TNFRSF10A: variants seen among roughly 807,000 people sequenced by gnomAD.
TNFRSF10A encodes the protein tumor necrosis factor receptor superfamily member 10A.
In TNFRSF10A, 44 loss-of-function variants were observed where a neutral mutation model predicts 42.8. That is an observed-to-expected ratio of 1.03 (90% confidence interval 0.81 to 1.32). TNFRSF10A has a LOEUF of 1.32. Ranked by LOEUF, TNFRSF10A falls within the 40% of genes most tolerant of loss-of-function variation. The pLI, the probability that TNFRSF10A is intolerant of heterozygous loss-of-function variation, is 0.00. For missense variants in TNFRSF10A, 680 were observed against 602.0 expected (o/e 1.13, Z -1.36); for synonymous variants, 259 against 234.2 (o/e 1.11, Z -0.97).
At chr8:23,199,190 C>G in intron 8 of TNFRSF10A, 76 bp downstream of exon 8, 1 of 1,547,374 alleles carries the variant, frequency 6.5e-7, no homozygotes, top group South Asian at 1.2e-5. Flanking sequence ...CTCCACTTCC[C>G]CTTTGACCAG....
intron 1 of TNFRSF10A, chr8:23,224,486 G>A (rs1353627480): frequency 1.4e-5 from 7 of 513,848 alleles, no homozygotes; most frequent in African/African-American, 1.0e-4. Flanking sequence ...GTGGGCAGGA[G>A]GGAGACGCGC....
chr8:23,210,912 T>A (rs906077224), intron 2 of TNFRSF10A, among the ~76,000 whole-genome samples: 1 of 152,150 alleles, frequency 6.6e-6, no homozygotes, highest in South Asian at 2.1e-4. Context: ...GGAATAAAAG[T>A]GAACTTCCTC....
chr8:23,209,481 G>A (rs1801063506), intron 2 of TNFRSF10A, among the ~76,000 whole-genome samples: 1 of 152,244 alleles, frequency 6.6e-6, no homozygotes, highest in Admixed American at 6.5e-5. Context: ...AACCAGCCAG[G>A]AGGGGCGCTA....
intron 9 of TNFRSF10A, among the ~76,000 whole-genome samples, chr8:23,193,377 C>T (rs1023372872): frequency 3.9e-5 from 6 of 152,196 alleles, no homozygotes; most frequent in Admixed American, 2.0e-4. Context: ...TGATTACTTC[C>T]GAAGAACTGC....
intron 1 of TNFRSF10A, among the ~76,000 whole-genome samples, chr8:23,219,280 T>C (rs1000028712): frequency 6.6e-6 from 1 of 151,488 alleles, no homozygotes; most frequent in Admixed American, 6.6e-5. Context: ...GTGAGTGACT[T>C]TCCCTCCAAG....
chr8:23,209,279 A>G (rs1801059859), intron 2 of TNFRSF10A, among the ~76,000 whole-genome samples: 1 of 152,254 alleles, frequency 6.6e-6, no homozygotes, highest in Admixed American at 6.5e-5. Context: ...GCCCTCATGG[A>G]GAACCTCTGC....
chr8:23,215,458 A>G (rs1218153212), intron 1 of TNFRSF10A, among the ~76,000 whole-genome samples: 1 of 152,180 alleles, frequency 6.6e-6, no homozygotes, highest in Non-Finnish European at 1.5e-5. Context: ...CAGTGAGCTG[A>G]GATTGCACCA....
chr8:23,219,327 G>A (rs766708782), intron 1 of TNFRSF10A, among the ~76,000 whole-genome samples: 33 of 148,366 alleles, frequency 2.2e-4, no homozygotes, highest in South Asian at 4.4e-4. Flanking sequence ...TCAGCTCACC[G>A]CCTCAGGTCA....
At chr8:23,222,674 C>G (rs1801272821) in intron 1 of TNFRSF10A, among the ~76,000 whole-genome samples, 1 of 152,174 alleles carries the variant, frequency 6.6e-6, no homozygotes, top group Non-Finnish European at 1.5e-5. Flanking sequence ...TCCTTTGTCC[C>G]TGCCAGGGCT....
At chr8:23,195,064 C>G (rs566410147) in intron 9 of TNFRSF10A, among the ~76,000 whole-genome samples, 3 of 152,136 alleles carry the variant, frequency 2.0e-5, no homozygotes, top group Non-Finnish European at 1.5e-5. Flanking sequence ...GAGGCTGAGG[C>G]GTGAGAATTG....
chr8:23,206,647 A>G (rs1383800597), intron 2 of TNFRSF10A, among the ~76,000 whole-genome samples: 2 of 152,232 alleles, frequency 1.3e-5, no homozygotes, highest in Non-Finnish European at 2.9e-5. Context: ...ATGAGTTCCC[A>G]TCATTAACTG....
At chr8:23,214,118 G>A (rs1359476121) in intron 1 of TNFRSF10A, among the ~76,000 whole-genome samples, 1 of 152,088 alleles carries the variant, frequency 6.6e-6, no homozygotes, top group African/African-American at 2.4e-5. Flanking sequence ...ATAGGCGTGA[G>A]CTACAGAGCT....
At chr8:23,200,823 AG>A (rs1337262340) in intron 4 of TNFRSF10A, 63 bp from the exon 5 acceptor site, 34 of 1,468,676 alleles carry the variant, frequency 2.3e-5, no homozygotes, top group East Asian at 2.0e-4. Flanking sequence ...GTGGGATGAA[AG>A]AGGAGCCACT....
intron 2 of TNFRSF10A, chr8:23,207,335 T>G: frequency 1.7e-6 from 1 of 588,496 alleles, no homozygotes; most frequent in Non-Finnish European, 3.2e-6. Flanking sequence ...GATTACCATG[T>G]CTTGGATGTT....
chr8:23,212,187 A>G lies in TNFRSF10A; in HGVS notation c.332T>C (p.Ile111Thr), dbSNP rs763149450. The G allele has an allele frequency of 1.2e-6, 2 of 1,613,662 alleles. No homozygotes were observed. The highest frequency in any genetic ancestry group is 1.7e-6 in the Non-Finnish European group (2 of 1,179,688). The change falls in exon 2 of 10, where the codon ATC becomes ACC. Residue 111 changes from isoleucine (I) to threonine (T), a missense_variant. Transcript: ENST00000221132. ...GCCAATTGATTGATCATGAAGTTTG[A>G]TGGTTGCAGCTGAGCTAGGTACGAC... ...LQVVPSSAAT[I>T]KLHDQSIGTQ...
chr8:23,221,768 A>G (rs76740368), intron 1 of TNFRSF10A, among the ~76,000 whole-genome samples: 2,951 of 152,120 alleles, frequency 0.019, 72 homozygotes, highest in East Asian at 0.1. Flanking sequence ...CTCTAATAAC[A>G]CTGAAACAAA....
intron 9 of TNFRSF10A, among the ~76,000 whole-genome samples, chr8:23,194,342 G>C (rs1800794930): frequency 1.3e-5 from 2 of 152,188 alleles, no homozygotes; most frequent in African/African-American, 4.8e-5. Context: ...TGTGACTTAA[G>C]TAAATCCTTA....
intron 1 of TNFRSF10A, among the ~76,000 whole-genome samples, chr8:23,223,973 A>G (rs1474361684): frequency 6.6e-6 from 1 of 152,202 alleles, no homozygotes; most frequent in Non-Finnish European, 1.5e-5. Context: ...GACAACGAGC[A>G]GAGGAGAGAA....
At chr8:23,193,202 T>TGGTA (rs1451832853) in intron 9 of TNFRSF10A, among the ~76,000 whole-genome samples, 1 of 152,188 alleles carries the variant, frequency 6.6e-6, no homozygotes, top group Non-Finnish European at 1.5e-5. Context: ...CCTGAGGTTT[T>TGGTA]GGTAACAGGT....
Sources: gnomAD v4.1 joint callset for allele counts (sites outside exome capture counted in the v4.1 genomes callset) on GRCh38, gnomAD v4.1.1 for gene constraint, MANE v1.5 for transcripts, NCBI Gene and HGNC (gene_info 2026-07-23, HGNC 2026-07-21) for gene names.